The following CDKN2B-AS1 variants were observed in gnomAD, a reference collection of about 807,000 sequenced individuals.
CDKN2B-AS1 encodes the protein CDKN2B and CDKN2A antisense cis and trans regulatory RNA 1.
chr9:22,009,348 G>A (rs1248241372), intron 1 of CDKN2B-AS1: 2 of 383,612 alleles, frequency 5.2e-6, no homozygotes, highest in African/African-American at 2.1e-5. Flanking sequence ...GCTGGGCCAA[G>A]GGGCCGGCGT....
rs773447852 is a variant in CDKN2B-AS1, at chr9:22,006,059, CA to C, written n.29+10899del. 6 of 1,605,748 alleles carry C rather than the reference CA, an allele frequency of 3.7e-6. No homozygotes were observed. Among genetic ancestry groups the C allele is most frequent in the South Asian group, 2.2e-5 (2 of 90,982 alleles). On this transcript the variant is annotated intron_variant and non_coding_transcript_variant, in intron 1 of 4. Transcript: ENST00000650946. This position sits in a 1 kb window ranked among gnomAD's most constrained non-coding sequence, Gnocchi z 6.4. ...CCCGCTCCTCGGCCAAGTCCACGGG[CA>C]GACGACCCCAGGCATCGCGCACGTC...
intron 4 of CDKN2B-AS1, among the ~76,000 whole-genome samples, chr9:22,080,358 G>A (rs1300706301): frequency 1.3e-5 from 2 of 152,218 alleles, no homozygotes; most frequent in South Asian, 2.1e-4. Context: ...GATATTTTCC[G>A]TGTTCACTAT....
intron 1 of CDKN2B-AS1, chr9:22,008,760 C>A: frequency 6.2e-7 from 1 of 1,610,022 alleles, no homozygotes; most frequent in Non-Finnish European, 8.5e-7. Context: ...CCCGCGTTCG[C>A]GCGCCCCCTG....
chr9:22,125,131 G>A (rs1457471940), intron 4 of CDKN2B-AS1, among the ~76,000 whole-genome samples: 1 of 152,150 alleles, frequency 6.6e-6, no homozygotes, highest in African/African-American at 2.4e-5. Flanking sequence ...TATCTTGCTT[G>A]ATAACCAATT....
At chr9:22,087,343 A>G (rs1053174195) in intron 4 of CDKN2B-AS1, among the ~76,000 whole-genome samples, 18 of 152,218 alleles carry the variant, frequency 1.2e-4, no homozygotes, top group African/African-American at 4.1e-4. Context: ...ATACAATTAC[A>G]TGCTACCGGT....
chr9:22,033,686 G>C (rs1822569101), intron 1 of CDKN2B-AS1, among the ~76,000 whole-genome samples: 1 of 152,190 alleles, frequency 6.6e-6, no homozygotes, highest in Non-Finnish European at 1.5e-5. Context: ...ATCATCCATA[G>C]TTTGAGTAGT....
intron 4 of CDKN2B-AS1, among the ~76,000 whole-genome samples, chr9:22,088,698 A>G (rs892620399): frequency 1.3e-5 from 2 of 152,230 alleles, no homozygotes; most frequent in South Asian, 2.1e-4. Flanking sequence ...TTAAATAGAC[A>G]TAAGTTACAG....
chr9:22,083,110 A>C (rs78860017), intron 4 of CDKN2B-AS1, among the ~76,000 whole-genome samples: 2 of 152,356 alleles, frequency 1.3e-5, no homozygotes, highest in African/African-American at 4.8e-5. Context: ...CATGCCCTGT[A>C]CTAAGAACTA....
At chr9:22,065,947 G>C (rs1824018092) in intron 4 of CDKN2B-AS1, among the ~76,000 whole-genome samples, 2 of 152,248 alleles carry the variant, frequency 1.3e-5, no homozygotes, top group South Asian at 4.2e-4. Flanking sequence ...TTTGGCTTCA[G>C]GTAGAAACTC....
chr9:22,017,091 A>C (rs556896401), intron 1 of CDKN2B-AS1, among the ~76,000 whole-genome samples: 2 of 152,184 alleles, frequency 1.3e-5, no homozygotes, highest in Non-Finnish European at 2.9e-5. Context: ...ACTTTTTTTC[A>C]AAGAATTACT....
At chr9:22,100,573 C>CA (rs1459640502) in intron 4 of CDKN2B-AS1, among the ~76,000 whole-genome samples, 2 of 152,142 alleles carry the variant, frequency 1.3e-5, no homozygotes, top group African/African-American at 4.8e-5. Flanking sequence ...AGTTGAAGAA[C>CA]ATTGCAGCCG....
At chr9:22,126,676 C>A (rs1470004850) in intron 4 of CDKN2B-AS1, among the ~76,000 whole-genome samples, 4 of 151,118 alleles carry the variant, frequency 2.6e-5, no homozygotes, top group East Asian at 3.9e-4. Flanking sequence ...GAGTTCACGC[C>A]ATTCTCCTGC....
chr9:22,111,434 T>A (rs977358107), intron 4 of CDKN2B-AS1, among the ~76,000 whole-genome samples: 1 of 152,190 alleles, frequency 6.6e-6, no homozygotes, highest in African/African-American at 2.4e-5. Flanking sequence ...CTTCCATTTT[T>A]AAAAAATCAC....
chr9:22,009,495 G>T (rs1397802839), intron 1 of CDKN2B-AS1: 4 of 243,534 alleles, frequency 1.6e-5, no homozygotes, highest in East Asian at 6.9e-5. Context: ...CCAGGGAGCC[G>T]CCAGGAATGC....
chr9:22,087,304 C>A (rs1462796194), intron 4 of CDKN2B-AS1, among the ~76,000 whole-genome samples: 2 of 152,214 alleles, frequency 1.3e-5, no homozygotes, highest in African/African-American at 4.8e-5. Flanking sequence ...TGGAAGCCAT[C>A]TTCAGACCAT....
At position 21,995,940 on chromosome 9, in the gene CDKN2B-AS1, A is replaced by T. The variant is rs1429519748; in HGVS notation, n.29+779A>T. The T allele has an allele frequency of 6.6e-6, 1 of 152,634 alleles. No individual in the cohort carries two copies. The highest frequency in any genetic ancestry group is 1.5e-5 in the Non-Finnish European group (1 of 68,414). The allele number at this position is 152,634 out of a possible 1,614,324, so 9.5% of individuals were successfully genotyped here. On this transcript the variant is annotated intron_variant and non_coding_transcript_variant, in intron 1 of 4. Coordinates refer to ENST00000650946, the Ensembl canonical transcript of CDKN2B-AS1. This position sits in a 1 kb window ranked among gnomAD's most constrained non-coding sequence, Gnocchi z 5.7. Reference sequence around the variant, plus strand: ...TGAGTGGGTGGGTGTGTGCCAGAGGATTCGGGACTAGGCCCAGCTCCGGGA... The same window carrying T: ...TGAGTGGGTGGGTGTGTGCCAGAGGTTTCGGGACTAGGCCCAGCTCCGGGA...
intron 1 of CDKN2B-AS1, among the ~76,000 whole-genome samples, chr9:22,027,886 A>C (rs532652398): frequency 6.0e-4 from 91 of 152,202 alleles, no homozygotes; most frequent in Non-Finnish European, 1.2e-3. Context: ...TAATTAAAAG[A>C]GGCTATATTT....
intron 1 of CDKN2B-AS1, chr9:22,046,287 AT>A (rs1251754526): frequency 6.6e-6 from 1 of 152,164 alleles, no homozygotes; most frequent in Non-Finnish European, 1.5e-5. Context: ...ACTTCATGAA[AT>A]AAATCATCAT....
rs889941219 is a variant in CDKN2B-AS1 at position 22,005,553 on chromosome 9, A to T, written n.29+10392A>T. ...GGTTCACCATAACTCCTCAGCAGAC[A>T]TTGGAGTGAACGCATCGACTGCCGT... On this transcript the variant is annotated intron_variant and non_coding_transcript_variant, in intron 1 of 4. Coordinates refer to ENST00000650946, the Ensembl canonical transcript of CDKN2B-AS1. This position sits in a 1 kb window ranked among gnomAD's most constrained non-coding sequence, Gnocchi z 4.9. 5.2e-6 allele frequency: 2 copies of T among 383,770 alleles called. No homozygotes were observed. Among genetic ancestry groups the T allele is most frequent in the African/African-American group, 4.0e-5 (2 of 49,598 alleles). The allele number at this position is 383,770 out of a possible 1,614,324, so 23.8% of individuals were successfully genotyped here. A position where few individuals can be genotyped will look rare whatever the true frequency, so the allele number is the denominator to read the frequency against.
Sources: allele counts gnomAD v4.1 joint callset (sites outside exome capture counted in the v4.1 genomes callset), GRCh38; gene constraint gnomAD v4.1.1; non-coding constraint Gnocchi (gnomAD v3.1); transcripts MANE v1.5; gene names NCBI Gene and HGNC (gene_info 2026-07-23, HGNC 2026-07-21).